CEP112: variants seen among roughly 807,000 people sequenced by gnomAD.
The protein encoded by CEP112 is centrosomal protein of 112 kDa.
A neutral mutation model predicts 153.0 loss-of-function variants in CEP112; 127 were observed. The ratio of observed to expected loss-of-function variants is 0.83; its 90% CI spans 0.72 to 0.96. The LOEUF (loss-of-function observed/expected upper bound fraction) is 0.96. Ranked by LOEUF, CEP112 falls within the 40% of genes least tolerant of loss-of-function variation. CEP112 has a pLI of 0.00. For synonymous variants in CEP112, 358 were observed against 374.4 expected (o/e 0.96, Z 0.51); for missense variants, 1,089 against 1,101.2 (o/e 0.99, Z 0.16).
At chr17:66,141,915 C>A (rs1598428884) in intron 4 of CEP112, among the ~76,000 whole-genome samples, 1 of 152,074 alleles carries the variant, frequency 6.6e-6, no homozygotes, top group East Asian at 1.9e-4. Flanking sequence ...TTTGCTGGAT[C>A]ATAAGGTAAT....
At chr17:66,108,736 C>T (rs1048641771) in intron 6 of CEP112, among the ~76,000 whole-genome samples, 1 of 152,112 alleles carries the variant, frequency 6.6e-6, no homozygotes, top group African/African-American at 2.4e-5. Flanking sequence ...ATAGAATTAA[C>T]ATATGATCCA....
intron 18 of CEP112, among the ~76,000 whole-genome samples, chr17:65,956,407 CAT>C (rs1491071072): frequency 2.8e-5 from 4 of 141,392 alleles, no homozygotes; most frequent in Admixed American, 6.9e-5. Context: ...TACATACATA[CAT>C]ACACACACAC....
chr17:65,878,745 G>T lies in CEP112; in HGVS notation c.2163+23407C>A, dbSNP rs544698421. On this transcript the variant is annotated intron_variant, in intron 20 of 26. Coordinates refer to ENST00000535342, the MANE Select transcript of CEP112 (RefSeq NM_001199165.4). ...CAGTGAGAAGTGAAAATAAGGACGA[G>T]CCCCCAAAAGCCTGCATACAGAGGG... Among the ~76,000 whole-genome samples, 8 of 151,752 alleles carry T rather than the reference G, an allele frequency of 5.3e-5. No individual in the cohort carries two copies. The South Asian group carries it at 1.7e-3, about 32-fold the overall frequency.
At position 66,132,563 on chromosome 17, in the gene CEP112, T is replaced by C. The variant is rs992111359; in HGVS notation, c.564+107A>G. 6.3e-6 allele frequency: 5 copies of C among 791,274 alleles called. No individual in the cohort carries two copies. In the East Asian group the frequency reaches 1.1e-4, roughly 17 times the overall value. The allele number at this position is 791,274 out of a possible 1,614,324, so 49.0% of individuals were successfully genotyped here. On this transcript the variant is annotated intron_variant, in intron 5 of 26. Coordinates refer to ENST00000535342, the MANE Select transcript of CEP112 (RefSeq NM_001199165.4). ...TGTTCACCAGAATCATCCAACTTTA[T>C]TCTGTTTTGAAGCAATCATTGGTAC...
chr17:65,872,370 A>G (rs115179223), intron 20 of CEP112, among the ~76,000 whole-genome samples: 1,839 of 152,260 alleles, frequency 0.012, 42 homozygotes, highest in African/African-American at 0.042. Context: ...CATACATGAG[A>G]ACAATAATAT....
chr17:65,734,578 C>CA (rs1301672277), intron 23 of CEP112, among the ~76,000 whole-genome samples: 1 of 151,428 alleles, frequency 6.6e-6, no homozygotes, highest in Non-Finnish European at 1.5e-5. Flanking sequence ...TTTTCCAAAG[C>CA]AAAAAAAATT....
intron 4 of CEP112, among the ~76,000 whole-genome samples, chr17:66,157,141 ACC>A (rs2071479559): frequency 6.6e-6 from 1 of 152,206 alleles, no homozygotes; most frequent in Non-Finnish European, 1.5e-5. Flanking sequence ...AGGTCACGTT[ACC>A]CACAAAGGGA....
chr17:65,916,096 C>T (rs920849865), intron 19 of CEP112, among the ~76,000 whole-genome samples: 1 of 152,124 alleles, frequency 6.6e-6, no homozygotes, highest in Non-Finnish European at 1.5e-5. Context: ...TCAGTAGAGT[C>T]CTTCACTAAC....
intron 20 of CEP112, among the ~76,000 whole-genome samples, chr17:65,880,192 C>G (rs1423818509): frequency 6.6e-6 from 1 of 151,960 alleles, no homozygotes; most frequent in Non-Finnish European, 1.5e-5. Context: ...GTTATTTTGC[C>G]TAATTGTTAA....
chr17:66,173,172 GA>G (rs989857277), intron 4 of CEP112, among the ~76,000 whole-genome samples: 1 of 151,734 alleles, frequency 6.6e-6, no homozygotes, highest in African/African-American at 2.4e-5. Context: ...ACTTAAAGGG[GA>G]AAAAAAACCT....
chr17:66,003,857 G>A (rs1053382179), intron 17 of CEP112, among the ~76,000 whole-genome samples: 1 of 152,144 alleles, frequency 6.6e-6, no homozygotes, highest in Non-Finnish European at 1.5e-5. Context: ...ATGATCTGAG[G>A]TGGAACAGTT....
At chr17:66,041,027 G>C (rs2065952443) in intron 12 of CEP112, among the ~76,000 whole-genome samples, 1 of 151,638 alleles carries the variant, frequency 6.6e-6, no homozygotes, top group African/African-American at 2.4e-5. Flanking sequence ...GGTTCAAGAT[G>C]CATTTTTTCT....
intron 24 of CEP112, 29 bp downstream of exon 24, chr17:65,689,100 A>G (rs759788511): frequency 1.3e-6 from 2 of 1,491,174 alleles, no homozygotes; most frequent in African/African-American, 1.4e-5. Context: ...AAAGTAAACA[A>G]GAGAGTCAAA....
intron 11 of CEP112, among the ~76,000 whole-genome samples, chr17:66,055,124 G>C (rs1400581225): frequency 6.6e-6 from 1 of 152,084 alleles, no homozygotes; most frequent in African/African-American, 2.4e-5. Flanking sequence ...GAGGCAGTGT[G>C]AACTCTTATT....
intron 20 of CEP112, among the ~76,000 whole-genome samples, chr17:65,895,967 C>A (rs751624918): frequency 6.6e-6 from 1 of 152,064 alleles, no homozygotes; most frequent in Admixed American, 6.6e-5. Context: ...TATTTAATTA[C>A]CTCTTCTTCA....
intron 18 of CEP112, among the ~76,000 whole-genome samples, chr17:65,956,206 A>C (rs2061995638): frequency 6.6e-6 from 1 of 152,162 alleles, no homozygotes; most frequent in Non-Finnish European, 1.5e-5. Context: ...TTCCTTAAAG[A>C]ACTAAAAGTA....
intron 25 of CEP112, 67 bp from the exon 26 acceptor site, chr17:65,637,255 T>C (rs548398771): frequency 2.9e-6 from 3 of 1,030,300 alleles, no homozygotes; most frequent in Admixed American, 3.6e-5. Context: ...GCAAATAGTA[T>C]GGTAAGATTT....
At chr17:65,735,000 T>C (rs2050717838) in intron 23 of CEP112, among the ~76,000 whole-genome samples, 1 of 152,198 alleles carries the variant, frequency 6.6e-6, no homozygotes, top group East Asian at 1.9e-4. Flanking sequence ...TTCTGTGAGT[T>C]ATACAAATCT....
In CEP112 at chr17:65,635,722, A is replaced by G; in HGVS notation, c.*249T>C. 1 of 552,480 alleles carries G rather than the reference A, an allele frequency of 1.8e-6. No homozygotes were observed. Among genetic ancestry groups the G allele is most frequent in the Non-Finnish European group, 3.2e-6 (1 of 315,522 alleles). 34.2% of individuals were successfully genotyped at this position (552,480 alleles called of 1,614,324 possible). ...ACTTTGCCCAATATAAGCAGTTCTC[A>G]GCACATACTCAAATGCACACAAACA... On this transcript the variant is annotated 3_prime_UTR_variant, in exon 27 of 27. Transcript: ENST00000535342.
Sources: allele counts gnomAD v4.1 joint callset (sites outside exome capture counted in the v4.1 genomes callset), GRCh38; gene constraint gnomAD v4.1.1; transcripts MANE v1.5; gene names NCBI Gene and HGNC (gene_info 2026-07-23, HGNC 2026-07-21).